The following GABRB1 variants were observed in gnomAD, a reference collection of about 807,000 sequenced individuals.
The protein encoded by GABRB1 is gamma-aminobutyric acid type A receptor subunit beta1.
In GABRB1, 17 loss-of-function variants were observed where a neutral mutation model predicts 51.6. The ratio of observed to expected loss-of-function variants is 0.33; its 90% CI spans 0.23 to 0.49. GABRB1 has a LOEUF of 0.49. Among genes scored for constraint, GABRB1 ranks in the 20% least tolerant of loss-of-function variants. The pLI is 0.99. For missense variants in GABRB1, 410 were observed against 600.6 expected, an observed-to-expected ratio of 0.68 and a Z score of 3.32; for synonymous variants, 247 against 218.9, an observed-to-expected ratio of 1.13 and a Z score of -1.14.
At chr4:47,355,285 C>A (rs1300924861) in intron 5 of GABRB1, among the ~76,000 whole-genome samples, 1 of 151,924 alleles carries the variant, frequency 6.6e-6, no homozygotes, top group Non-Finnish European at 1.5e-5. Flanking sequence ...ATGGCCTAGT[C>A]ATATCATCTT....
chr4:47,012,680 T>C (rs1724617454), intron 1 of GABRB1, among the ~76,000 whole-genome samples: 1 of 152,220 alleles, frequency 6.6e-6, no homozygotes, highest in South Asian at 2.1e-4. Flanking sequence ...CCTCAGTAGC[T>C]TGTCTCCAAG....
intron 4 of GABRB1, among the ~76,000 whole-genome samples, chr4:47,246,294 A>ATC (rs1272471558): frequency 1.1e-5 from 1 of 90,724 alleles, no homozygotes; most frequent in Non-Finnish European, 2.2e-5. Context: ...ATATATATAT[A>ATC]TATATACACA....
At chr4:47,279,280 A>AT (rs1723192282) in intron 4 of GABRB1, among the ~76,000 whole-genome samples, 1 of 152,152 alleles carries the variant, frequency 6.6e-6, no homozygotes, top group Non-Finnish European at 1.5e-5. Context: ...AATCTGAATG[A>AT]TTTTCAAACT....
intron 4 of GABRB1, among the ~76,000 whole-genome samples, chr4:47,207,716 C>A (rs1347663612): frequency 2.0e-5 from 3 of 151,992 alleles, no homozygotes; most frequent in African/African-American, 7.2e-5. Context: ...TTTAGAAGTG[C>A]CTTCTCTTCA....
intron 3 of GABRB1, among the ~76,000 whole-genome samples, chr4:47,033,399 T>G (rs1725423762): frequency 1.3e-5 from 2 of 152,338 alleles, no homozygotes; most frequent in South Asian, 4.1e-4. Flanking sequence ...TTAGAGTTTC[T>G]AACTGTTGCT....
intron 4 of GABRB1, among the ~76,000 whole-genome samples, chr4:47,292,714 G>A (rs1260953891): frequency 6.6e-6 from 1 of 152,178 alleles, no homozygotes; most frequent in Non-Finnish European, 1.5e-5. Context: ...TGGCACTGGA[G>A]GCTGCGAAAT....
intron 5 of GABRB1, among the ~76,000 whole-genome samples, chr4:47,387,852 A>C (rs888948015): frequency 1.3e-5 from 2 of 152,182 alleles, no homozygotes; most frequent in Non-Finnish European, 2.9e-5. Context: ...ATCTTGAGAA[A>C]TTACAGGTAG....
intron 4 of GABRB1, among the ~76,000 whole-genome samples, chr4:47,182,093 T>C (rs1215205047): frequency 1.3e-5 from 2 of 152,014 alleles, no homozygotes; most frequent in Non-Finnish European, 2.9e-5. Context: ...TGTTTTTGCT[T>C]AGATTCTATG....
intron 5 of GABRB1, among the ~76,000 whole-genome samples, chr4:47,400,640 G>A (rs908258553): frequency 4.0e-5 from 6 of 151,624 alleles, no homozygotes; most frequent in Admixed American, 6.6e-5. Flanking sequence ...ATATAGTGGT[G>A]AAGTCTGGGT....
intron 3 of GABRB1, among the ~76,000 whole-genome samples, chr4:47,081,816 G>A (rs1435190347): frequency 6.6e-6 from 1 of 152,044 alleles, no homozygotes; most frequent in African/African-American, 2.4e-5. Flanking sequence ...AAAATAAGGG[G>A]CTGTGTAACA....
chr4:47,390,396 C>G (rs1287938382), intron 5 of GABRB1, among the ~76,000 whole-genome samples: 1 of 152,220 alleles, frequency 6.6e-6, no homozygotes, highest in African/African-American at 2.4e-5. Flanking sequence ...CAAGACTAGA[C>G]CATCCCCCTA....
intron 1 of GABRB1, among the ~76,000 whole-genome samples, chr4:47,011,585 C>A (rs1170538076): frequency 6.6e-6 from 1 of 152,134 alleles, no homozygotes; most frequent in Non-Finnish European, 1.5e-5. Context: ...TGTGGGCATG[C>A]ACATCTGTTC....
chr4:47,046,319 G>T (rs1335024735), intron 3 of GABRB1, among the ~76,000 whole-genome samples: 1 of 152,084 alleles, frequency 6.6e-6, no homozygotes, highest in Non-Finnish European at 1.5e-5. Context: ...GATAAGAAGA[G>T]TTTTTACACC....
intron 5 of GABRB1, among the ~76,000 whole-genome samples, chr4:47,400,006 C>T (rs913391308): frequency 2.0e-5 from 3 of 152,050 alleles, no homozygotes; most frequent in African/African-American, 4.8e-5. Context: ...TTTATTATGG[C>T]TCCTCGTCTA....
At chr4:47,385,860 A>C (rs1432601393) in intron 5 of GABRB1, among the ~76,000 whole-genome samples, 1 of 152,146 alleles carries the variant, frequency 6.6e-6, no homozygotes, top group African/African-American at 2.4e-5. Context: ...GTCTCACAGA[A>C]CTCAGGAAAA....
intron 1 of GABRB1, among the ~76,000 whole-genome samples, chr4:47,018,793 T>C (rs1164111303): frequency 6.6e-6 from 1 of 152,300 alleles, no homozygotes; most frequent in East Asian, 1.9e-4. Flanking sequence ...TCATTGTCTT[T>C]ACATGTGAGT....
At chr4:47,153,007 T>C (rs1045743400) in intron 3 of GABRB1, among the ~76,000 whole-genome samples, 2 of 151,968 alleles carry the variant, frequency 1.3e-5, no homozygotes, top group East Asian at 3.9e-4. Flanking sequence ...GTGGAACCAC[T>C]CTGAGTTCTC....
At chr4:47,412,655 G>A (rs1002594712) in intron 8 of GABRB1, among the ~76,000 whole-genome samples, 2 of 152,046 alleles carry the variant, frequency 1.3e-5, no homozygotes, top group Admixed American at 6.6e-5. Context: ...TCAAGGATGC[G>A]GTCACATAAG....
At chr4:47,346,850 C>T (rs1726115144) in intron 5 of GABRB1, among the ~76,000 whole-genome samples, 2 of 152,200 alleles carry the variant, frequency 1.3e-5, no homozygotes, top group Non-Finnish European at 2.9e-5. Context: ...GGGGCATCTT[C>T]TCTGATTGGT....
Sources: gnomAD v4.1 joint callset for allele counts (sites outside exome capture counted in the v4.1 genomes callset) on GRCh38, gnomAD v4.1.1 for gene constraint, MANE v1.5 for transcripts, NCBI Gene and HGNC (gene_info 2026-07-23, HGNC 2026-07-21) for gene names.